The following ITGA6 variants were observed in gnomAD, a reference collection of about 807,000 sequenced individuals.
ITGA6 encodes the protein integrin subunit alpha 6, also known as integrin alpha-6.
ITGA6 carries 63 observed loss-of-function variants against 133.6 expected under a neutral mutation model. That is an observed-to-expected ratio of 0.47 (90% CI 0.38 to 0.58). The LOEUF (loss-of-function observed/expected upper bound fraction) is 0.58. Ranked by LOEUF, ITGA6 falls within the 20% of genes least tolerant of loss-of-function variation. The pLI is 0.00. For missense variants in ITGA6, 1,068 were observed against 1,309.4 expected (o/e 0.82, Z 2.85); for synonymous variants, 434 against 482.0 (o/e 0.90, Z 1.30).
In ITGA6 at chr2:172,472,842, C is replaced by G. The variant is rs373728387; in HGVS notation, c.776-1213C>G. 6 of 1,612,504 alleles carry G rather than the reference C, an allele frequency of 3.7e-6. No homozygotes were observed. The South Asian group carries it at 4.4e-5, about 12-fold the overall frequency. On this transcript the variant is annotated intron_variant, in intron 5 of 25. Transcript: ENST00000684293. Reference sequence around the variant, plus strand: ...GTTTGTTTATAAAACACGGCCTCCCCGGGAGCAGCCTGACACATTCCCTGA... The same window carrying G: ...GTTTGTTTATAAAACACGGCCTCCCGGGGAGCAGCCTGACACATTCCCTGA...
intron 8 of ITGA6, among the ~76,000 whole-genome samples, 186 bp downstream of exon 8, chr2:172,475,871 T>A (rs1686153532): frequency 6.6e-6 from 1 of 152,242 alleles, no homozygotes; most frequent in Non-Finnish European, 1.5e-5. Flanking sequence ...AATGACTTGC[T>A]TGTTCTAATT....
At chr2:172,489,254 T>C (rs907201043) in intron 19 of ITGA6, among the ~76,000 whole-genome samples, 2 of 152,246 alleles carry the variant, frequency 1.3e-5, no homozygotes, top group African/African-American at 4.8e-5. Context: ...CAGTTGTTCC[T>C]AGAACGAGTT....
At chr2:172,431,157 CT>C (rs1559109844) in intron 1 of ITGA6, among the ~76,000 whole-genome samples, 1 of 152,184 alleles carries the variant, frequency 6.6e-6, no homozygotes, top group Non-Finnish European at 1.5e-5. Context: ...TTGTTCTTGA[CT>C]TTTCTCAGAC....
At chr2:172,428,198 G>C (rs1683946729) in intron 1 of ITGA6, 2 of 269,166 alleles carry the variant, frequency 7.4e-6, no homozygotes, top group Non-Finnish European at 1.4e-5. Context: ...CGAGGGCTAG[G>C]CTGGGCCCCG....
chr2:172,451,016 G>C (rs139127557), intron 1 of ITGA6, among the ~76,000 whole-genome samples: 1 of 148,704 alleles, frequency 6.7e-6, no homozygotes, highest in African/African-American at 2.5e-5. Flanking sequence ...TTAGCTGGAC[G>C]TGGGGGCACA....
intron 1 of ITGA6, among the ~76,000 whole-genome samples, chr2:172,445,357 A>C (rs146068657): frequency 0.069 from 10,197 of 148,126 alleles, 440 homozygotes; most frequent in Non-Finnish European, 0.1. Flanking sequence ...TTTTTAACAA[A>C]AAAAAAAAAA....
Position 172,489,435 on chromosome 2 carries a change from A to AT in ITGA6, c.2506-47dup, listed in dbSNP as rs761993071. The AT allele has an allele frequency of 3.0e-5, 43 of 1,436,738 alleles. No homozygotes were observed. In the African/African-American group the frequency reaches 5.9e-4, roughly 20 times the overall value. 89.0% of individuals were successfully genotyped at this position (1,436,738 alleles called of 1,614,324 possible). On this transcript the variant is annotated intron_variant, in intron 19 of 25. Coordinates refer to ENST00000684293, the MANE Select transcript of ITGA6 (RefSeq NM_000210.4). ...CTTGGTAAAAGGAGCTGCTACTTAA[A>AT]TTTACATTGAGAAGATTAGACTGAG...
chr2:172,444,211 T>A (rs947201247), intron 1 of ITGA6, among the ~76,000 whole-genome samples: 5 of 152,324 alleles, frequency 3.3e-5, no homozygotes, highest in Middle Eastern at 6.8e-3. Flanking sequence ...TTCCTTGATA[T>A]CTCTAATTAT....
chr2:172,460,410 C>T (rs576509968), intron 1 of ITGA6, among the ~76,000 whole-genome samples: 6 of 152,108 alleles, frequency 3.9e-5, no homozygotes, highest in African/African-American at 7.2e-5. Context: ...AGGTTTAAAT[C>T]TTTAAAACTC....
intron 1 of ITGA6, among the ~76,000 whole-genome samples, chr2:172,439,542 A>G (rs1684457652): frequency 2.0e-5 from 3 of 151,982 alleles, no homozygotes; most frequent in South Asian, 4.1e-4. Flanking sequence ...CTGAGGTGGC[A>G]TGGTGGTGGT....
intron 1 of ITGA6, chr2:172,464,710 A>T (rs1685573276): frequency 6.6e-6 from 1 of 152,346 alleles, no homozygotes; most frequent in Admixed American, 6.5e-5. Flanking sequence ...ATAGGAGATA[A>T]AAACACTCGG....
Position 172,491,441 on chromosome 2 carries a change from A to G in ITGA6, c.2906A>G (p.Asn969Ser). The G allele has an allele frequency of 6.2e-7, 1 of 1,613,516 alleles. No homozygotes were observed. The highest frequency in any genetic ancestry group is 1.1e-5 in the South Asian group (1 of 91,070). ...STFLEEYSKL[N>S]YLDILMRAFI... ...TCCAAACAGGAATATTCCAAACTGA[A>G]CTACTTGGACATTCTCATGCGAGCC... Residue 969 changes from asparagine to serine, a missense_variant, in exon 23 of 26, where the codon AAC (asparagine) becomes AGC (serine). By Grantham distance (46) the Asn-to-Ser change is conservative (BLOSUM62 1). Coordinates refer to ENST00000684293, the MANE Select transcript of ITGA6 (RefSeq NM_000210.4). This position sits in a 1 kb window ranked among gnomAD's most constrained non-coding sequence, Gnocchi z 4.4.
chr2:172,488,009 G>C lies in ITGA6; in HGVS notation c.2373G>C (p.Val791=). Residue 791 remains valine, a synonymous_variant, in exon 18 of 26, where the codon GTG becomes GTC. Transcript: ENST00000684293. ...CTCCAATTACAGCTAAAGCAAAAGTGGTTATTGAACTGCTTTTATCGGTCT... is the reference window on the plus strand; with the variant it reads ...CTCCAATTACAGCTAAAGCAAAAGTCGTTATTGAACTGCTTTTATCGGTCT... ...NLAPITAKAK[V]VIELLLSVSG... is the part of the protein sequence containing the mutation. 1.9e-6 allele frequency: 3 copies of C among 1,613,924 alleles called. No individual in the cohort carries two copies. In the South Asian group the frequency reaches 3.3e-5, roughly 18 times the overall value.
intron 1 of ITGA6, among the ~76,000 whole-genome samples, chr2:172,456,173 C>G (rs775101608): frequency 7.2e-5 from 11 of 152,190 alleles, no homozygotes; most frequent in Non-Finnish European, 1.5e-4. Context: ...AGAGACAGTA[C>G]TTCTGTCAGT....
intron 10 of ITGA6, 104 bp downstream of exon 10, chr2:172,479,843 G>C: frequency 1.7e-6 from 2 of 1,186,352 alleles, no homozygotes; most frequent in Non-Finnish European, 2.5e-6. Flanking sequence ...CAGGAGTGCT[G>C]GGCAAAGGGA....
At chr2:172,477,090 A>C (rs1559141707) in intron 9 of ITGA6, among the ~76,000 whole-genome samples, 1 of 149,728 alleles carries the variant, frequency 6.7e-6, no homozygotes, top group Non-Finnish European at 1.5e-5. Context: ...CTGGATGGTT[A>C]CGTTGCTTCG....
chr2:172,431,743 A>C (rs1302226467), intron 1 of ITGA6, among the ~76,000 whole-genome samples: 1 of 152,272 alleles, frequency 6.6e-6, no homozygotes, highest in Non-Finnish European at 1.5e-5. Context: ...ACGGGCAGCG[A>C]GACTTACAGG....
chr2:172,461,193 T>A lies in ITGA6; in HGVS notation c.183-4346T>A, dbSNP rs143358173. 4.1e-4 allele frequency among the ~76,000 whole-genome samples: 62 copies of A among 152,374 alleles called. No individual in the cohort carries two copies. In the East Asian group the frequency reaches 0.011, roughly 28 times the overall value. Reference sequence around the variant, plus strand: ...TATATCATATTCCCAGTTACTGTTATACTTATATCGTTAGATTTTTACATT... The same window carrying A: ...TATATCATATTCCCAGTTACTGTTAAACTTATATCGTTAGATTTTTACATT... On this transcript the variant is annotated intron_variant, in intron 1 of 25. Coordinates refer to ENST00000684293, the MANE Select transcript of ITGA6 (RefSeq NM_000210.4).
intron 1 of ITGA6, among the ~76,000 whole-genome samples, chr2:172,429,112 T>C (rs1252076332): frequency 1.3e-5 from 2 of 151,878 alleles, no homozygotes; most frequent in Non-Finnish European, 2.9e-5. Context: ...GGAGGAAACC[T>C]CTTGATTTCA....
Sources: gnomAD v4.1 joint callset for allele counts (sites outside exome capture counted in the v4.1 genomes callset) on GRCh38, gnomAD v4.1.1 for gene constraint, Gnocchi (gnomAD v3.1) non-coding constraint, MANE v1.5 for transcripts, NCBI Gene and HGNC (gene_info 2026-07-23, HGNC 2026-07-21) for gene names.